The following IGBP1 variants were observed in gnomAD, a reference collection of about 807,000 sequenced individuals.
IGBP1 encodes the protein immunoglobulin-binding protein 1.
IGBP1 carries 2 observed loss-of-function variants against 25.9 expected under a neutral mutation model. The observed-to-expected ratio is 0.08, with a 90% CI of 0.03 to 0.24. The LOEUF (loss-of-function observed/expected upper bound fraction) is 0.24, where lower values mean the gene tolerates loss of function less well. IGBP1 is among the 10% of genes least tolerant of loss of function. The pLI is 1.00. For missense variants in IGBP1, 187 were observed against 260.4 expected (o/e 0.72, Z 1.94); for synonymous variants, 96 against 93.4 (o/e 1.03, Z -0.16).
At chrX:70,159,674 C>G (rs1042238099) in intron 6 of IGBP1, among the ~76,000 whole-genome samples, 4 of 111,557 alleles carry the variant, frequency 3.6e-5, no homozygotes, top group Non-Finnish European at 7.5e-5. Context: ...GCTGTGATTC[C>G]TAACCTGGGG....
intron 6 of IGBP1, among the ~76,000 whole-genome samples, chrX:70,154,720 A>AAAAAAAAAAAAAAAAAAAAAAAAAAAAC (rs2085227965): frequency 1.0e-5 from 1 of 99,732 alleles, no homozygotes; most frequent in African/African-American, 3.8e-5. Context: ...TCCACAAAAA[A>AAAAAAAAAAAAAAAAAAAAAAAAAAAAC]AAAAAAAAAA....
chrX:70,156,705 C>T (rs1569424400), intron 6 of IGBP1, among the ~76,000 whole-genome samples: 1 of 111,706 alleles, frequency 9.0e-6, no homozygotes, highest in Non-Finnish European at 1.9e-5. Flanking sequence ...TTTGGGAGGC[C>T]GAGGCGGGTG....
intron 3 of IGBP1, among the ~76,000 whole-genome samples, chrX:70,143,918 G>A (rs913718891): frequency 8.9e-6 from 1 of 112,634 alleles, no homozygotes; most frequent in African/African-American, 3.2e-5. Flanking sequence ...CAGGCTGGGC[G>A]CGGTGGCTCA....
intron 6 of IGBP1, among the ~76,000 whole-genome samples, chrX:70,152,006 G>A (rs1226721284): frequency 8.9e-6 from 1 of 111,881 alleles, no homozygotes; most frequent in East Asian, 2.8e-4. Context: ...AAAGAGAAGA[G>A]TGGTAATTTG....
intron 6 of IGBP1, among the ~76,000 whole-genome samples, chrX:70,160,460 T>C (rs2085265318): frequency 8.9e-6 from 1 of 112,171 alleles, no homozygotes; most frequent in Non-Finnish European, 1.9e-5. Flanking sequence ...AGCAGGTATT[T>C]AAGAAACTCA....
chrX:70,148,607 C>A (rs2085181912), intron 4 of IGBP1, 154 bp from the exon 5 acceptor site: 2 of 487,084 alleles, frequency 4.1e-6, no homozygotes, highest in African/African-American at 2.4e-5. Context: ...GAATCTCTAC[C>A]GTTAGTGTTC....
chrX:70,165,158 A>G (rs1005002934), intron 6 of IGBP1: 7 of 112,541 alleles, frequency 6.2e-5, no homozygotes. Flanking sequence ...CAGAGTAGCC[A>G]GGAAAATGCT....
intron 3 of IGBP1, among the ~76,000 whole-genome samples, chrX:70,135,283 T>C (rs2085088293): frequency 8.9e-6 from 1 of 112,082 alleles, no homozygotes; most frequent in Non-Finnish European, 1.9e-5. Context: ...CTTAGGTTTT[T>C]TTTGTTGTTG....
At chrX:70,134,896 G>T (rs878929135) in intron 3 of IGBP1, 80 bp downstream of exon 3, 2 of 939,697 alleles carry the variant, frequency 2.1e-6, no homozygotes, top group Admixed American at 4.5e-5. Context: ...GTGGTGGGGG[G>T]CCAGAATGGT....
Position 70,159,314 on chromosome X carries a change from A to G in IGBP1, c.872-6519A>G, listed in dbSNP as rs192499979. Among the ~76,000 whole-genome samples the G allele has an allele frequency of 1.3e-3, 151 of 112,482 alleles. 1 individual carries two copies. Among genetic ancestry groups the G allele is most frequent in the Middle Eastern group, 9.2e-3 (2 of 217 alleles). On this transcript the variant is annotated intron_variant, in intron 6 of 6. Coordinates refer to ENST00000356413, the MANE Select transcript of IGBP1 (RefSeq NM_001551.3). The stretch of plus-strand genomic sequence containing the variant: ...ATAGTAAAGAAGACCTGGCATATAG[A>G]TAATAGGATTATCTGAAGAAGAAAG...
chrX:70,145,652 ACT>A (rs753048214), intron 3 of IGBP1, among the ~76,000 whole-genome samples: 1 of 108,171 alleles, frequency 9.2e-6, no homozygotes, highest in Non-Finnish European at 1.9e-5. Flanking sequence ...ATTTTCTATC[ACT>A]CTTTTTTATC....
intron 3 of IGBP1, among the ~76,000 whole-genome samples, chrX:70,143,732 G>C (rs1302470839): frequency 9.3e-6 from 1 of 107,929 alleles, no homozygotes; most frequent in Non-Finnish European, 1.9e-5. Context: ...CCTGGGGGTT[G>C]GGGGGGCGGG....
intron 6 of IGBP1, among the ~76,000 whole-genome samples, chrX:70,161,638 C>T (rs1043486265): frequency 5.4e-5 from 6 of 111,993 alleles, no homozygotes; most frequent in Middle Eastern, 4.7e-3. Context: ...CTGCTCAGAA[C>T]ACTTACGTTA....
intron 2 of IGBP1, 115 bp from the exon 3 acceptor site, chrX:70,134,408 G>C (rs759096639): frequency 3.8e-6 from 3 of 791,707 alleles, no homozygotes; most frequent in East Asian, 3.4e-5. Context: ...GCTGTTCCCC[G>C]TGCCTCCTCC....
intron 3 of IGBP1, among the ~76,000 whole-genome samples, chrX:70,137,650 G>C (rs1160484699): frequency 1.9e-5 from 2 of 104,628 alleles, no homozygotes; most frequent in African/African-American, 7.0e-5. Context: ...AGACTGATAC[G>C]AAATGGAATT....
intron 6 of IGBP1, among the ~76,000 whole-genome samples, chrX:70,158,969 CAA>C (rs1197278117): frequency 1.8e-5 from 2 of 112,219 alleles, no homozygotes; most frequent in East Asian, 5.6e-4. Context: ...AAACCCTACA[CAA>C]AGTTATTAGA....
At position 70,166,039 on chromosome X, in the gene IGBP1, T is replaced by C; in HGVS notation, c.*58T>C. 1 of 1,120,430 alleles carries C rather than the reference T, an allele frequency of 8.9e-7. No homozygotes were observed. The allele number at this position is 1,120,430 out of a possible 1,213,427, so 92.3% of individuals were successfully genotyped here. On this transcript the variant is annotated 3_prime_UTR_variant, in exon 7 of 7. Coordinates refer to ENST00000356413, the MANE Select transcript of IGBP1 (RefSeq NM_001551.3). The stretch of plus-strand genomic sequence containing the variant: ...ACAACTCCCCTGCCAAGGAAAACCA[T>C]GCAGTCCTCCCCTCCCTGGTCTCCT...
At chrX:70,159,660 C>T (rs939441107) in intron 6 of IGBP1, among the ~76,000 whole-genome samples, 3 of 111,421 alleles carry the variant, frequency 2.7e-5, no homozygotes, top group Non-Finnish European at 5.7e-5. Context: ...GGGGCAGGGA[C>T]GTAGCTGTGA....
chrX:70,151,770 C>T lies in IGBP1; in HGVS notation c.871+1448C>T, dbSNP rs757489988. ...GTATGCACCTGTAGTCCCATCTTCT[C>T]GGGAGGCTGAGGTGGTAGGATCATG... On this transcript the variant is annotated intron_variant, in intron 6 of 6. Coordinates refer to ENST00000356413, the MANE Select transcript of IGBP1 (RefSeq NM_001551.3). 6.4e-5 allele frequency among the ~76,000 whole-genome samples: 7 copies of T among 110,011 alleles called. No individual in the cohort carries two copies. The East Asian group carries it at 1.4e-3, about 23-fold the overall frequency.
Sources: gnomAD v4.1 joint callset for allele counts (sites outside exome capture counted in the v4.1 genomes callset) on GRCh38, gnomAD v4.1.1 for gene constraint, MANE v1.5 for transcripts, NCBI Gene and HGNC (gene_info 2026-07-23, HGNC 2026-07-21) for gene names.